The following PDC variants were observed in gnomAD, a reference collection of about 807,000 sequenced individuals.
The protein encoded by PDC is 33 kDa phototransducing protein.
Under a neutral mutation model 22.2 loss-of-function variants are expected in PDC, and 19 were observed. The ratio of observed to expected loss-of-function variants is 0.86; its 90% CI spans 0.60 to 1.26. The LOEUF is 1.26. Ranked by LOEUF, PDC falls within the 50% of genes most tolerant of loss-of-function variation. The pLI is 0.00. For missense variants in PDC, 274 were observed against 286.8 expected, an observed-to-expected ratio of 0.96 and a Z score of 0.32; for synonymous variants, 97 against 96.2, an observed-to-expected ratio of 1.01 and a Z score of -0.05.
chr1:186,452,363 A>G (rs1185090683), intron 1 of PDC, among the ~76,000 whole-genome samples: 2 of 152,044 alleles, frequency 1.3e-5, no homozygotes, highest in Non-Finnish European at 2.9e-5. Context: ...TCAGCCTTCC[A>G]ACTAGCTGGG....
intron 2 of PDC, among the ~76,000 whole-genome samples, chr1:186,447,789 G>C (rs1002292672): frequency 6.6e-6 from 1 of 151,918 alleles, no homozygotes; most frequent in Non-Finnish European, 1.5e-5. Flanking sequence ...TTCACATACA[G>C]TGTTCATATC....
At chr1:186,459,700 T>C (rs1662540148) in intron 1 of PDC, among the ~76,000 whole-genome samples, 1 of 148,792 alleles carries the variant, frequency 6.7e-6, no homozygotes, top group Non-Finnish European at 1.5e-5. Context: ...TTTCTAGCTT[T>C]AATATGAGGT....
intron 1 of PDC, among the ~76,000 whole-genome samples, chr1:186,459,750 GTGTATATATATATATA>G (rs1558134677): frequency 1.5e-5 from 1 of 68,558 alleles, no homozygotes; most frequent in Non-Finnish European, 3.1e-5. Flanking sequence ...ATGTGTGTGT[GTGTATATATATATATA>G]TATATATATA....
rs916618288 is a variant in PDC, at chr1:186,458,185, C to T, written c.-25+2874G>A. On this transcript the variant is annotated intron_variant, in intron 1 of 3. Coordinates refer to ENST00000391997, the MANE Select transcript of PDC (RefSeq NM_002597.5). ...TGAATTCTTGTTCCTAGTGAAAAGA[C>T]ATCCACCTATCCAAGTTTGCTATTA... Among the ~76,000 whole-genome samples, 106 of 145,484 alleles carry T rather than the reference C, an allele frequency of 7.3e-4. 2 individuals are homozygous for T. Among genetic ancestry groups the T allele is most frequent in the African/African-American group, 2.6e-3 (102 of 39,224 alleles).
At position 186,449,389 on chromosome 1, in the gene PDC, C is replaced by T; in HGVS notation, c.61+10G>A. On this transcript the variant is annotated intron_variant, in intron 2 of 3. Coordinates refer to ENST00000391997, the MANE Select transcript of PDC (RefSeq NM_002597.5). ...ATTTAATAATTATTTTTTCTTCTAGCTTTGCTTGCCTGTATGTGTGGCCTG... is the reference window on the plus strand; with the variant it reads ...ATTTAATAATTATTTTTTCTTCTAGTTTTGCTTGCCTGTATGTGTGGCCTG... 6.4e-7 allele frequency: 1 copy of T among 1,572,362 alleles called. No individual in the cohort carries two copies. Among genetic ancestry groups the T allele is most frequent in the Non-Finnish European group, 8.7e-7 (1 of 1,149,834 alleles).
intron 2 of PDC, among the ~76,000 whole-genome samples, chr1:186,447,406 C>T (rs1057487906): frequency 1.3e-5 from 2 of 152,144 alleles, no homozygotes; most frequent in African/African-American, 4.8e-5. Flanking sequence ...ACCTCAGCCT[C>T]CCAGAGTGCT....
At position 186,444,258 on chromosome 1, in the gene PDC, A is replaced by C; in HGVS notation, c.462T>G (p.Ser154Arg). 6.2e-7 allele frequency: 1 copy of C among 1,614,080 alleles called. No individual in the cohort carries two copies. The highest frequency in any genetic ancestry group is 1.7e-5 in the Admixed American group (1 of 60,022). Residue 154 changes from serine to arginine, a missense_variant, in exon 4 of 4, where the codon AGT becomes AGG. Physicochemically the swap from Ser to Arg is moderately radical, Grantham distance 110 (BLOSUM62 -1). Transcript: ENST00000391997. ...GGTATTCTGCTGCAAGGCATGTTAAACTACTGTTTAGAGCATCACAACCCT... is the reference window on the plus strand; with the variant it reads ...GGTATTCTGCTGCAAGGCATGTTAACCTACTGTTTAGAGCATCACAACCCT... Reference protein sequence around the residue: ...GIKGCDALNSSLTCLAAEYPI... With the variant: ...GIKGCDALNSRLTCLAAEYPI...
chr1:186,447,229 A>G (rs1489620473), intron 2 of PDC, among the ~76,000 whole-genome samples: 2 of 151,928 alleles, frequency 1.3e-5, no homozygotes, highest in African/African-American at 4.8e-5. Flanking sequence ...GCTCACCGCA[A>G]CCTCCACTTC....
intron 1 of PDC, among the ~76,000 whole-genome samples, chr1:186,459,977 A>G (rs1346098819): frequency 6.6e-6 from 1 of 151,000 alleles, no homozygotes; most frequent in East Asian, 1.9e-4. Context: ...ATATCAACAA[A>G]CTCTGTGTTC....
chr1:186,458,074 T>C (rs1031061416), intron 1 of PDC, among the ~76,000 whole-genome samples: 4 of 151,966 alleles, frequency 2.6e-5, no homozygotes, highest in African/African-American at 4.8e-5. Flanking sequence ...CAGGAATGCA[T>C]AGCAAATATC....
intron 1 of PDC, among the ~76,000 whole-genome samples, chr1:186,460,011 T>C (rs1662550495): frequency 6.6e-6 from 1 of 151,912 alleles, no homozygotes; most frequent in Non-Finnish European, 1.5e-5. Context: ...ACATTATTTC[T>C]GTTTCATTAA....
rs1198905045 is a variant in PDC, at chr1:186,443,812, A to C, written c.*167T>G. On this transcript the variant is annotated 3_prime_UTR_variant, in exon 4 of 4. Coordinates refer to ENST00000391997, the MANE Select transcript of PDC (RefSeq NM_002597.5). ...TGTAGTCAAGCATTGTATCAATTTG[A>C]GTAACTAATACTAAGAAATGCTAAT... is the stretch of plus-strand genomic sequence containing the variant. 1.7e-6 allele frequency: 1 copy of C among 588,652 alleles called. No homozygotes were observed. The highest frequency in any genetic ancestry group is 2.2e-5 in the South Asian group (1 of 44,598). 36.5% of individuals were successfully genotyped at this position (588,652 alleles called of 1,614,324 possible).
chr1:186,458,226 CTTTTTTTTTTTTT>C (rs1157926478), intron 1 of PDC, among the ~76,000 whole-genome samples: 1 of 88,416 alleles, frequency 1.1e-5, no homozygotes, highest in African/African-American at 4.6e-5. Context: ...TACAGATATT[CTTTTTTTTTTTTT>C]TTTTTTTTTT....
intron 1 of PDC, among the ~76,000 whole-genome samples, chr1:186,458,914 C>T (rs989872915): frequency 6.6e-6 from 1 of 152,172 alleles, no homozygotes; most frequent in Admixed American, 6.5e-5. Flanking sequence ...GTAATCCCAA[C>T]GCTTTGAGAG....
chr1:186,444,436 C>G lies in PDC; in HGVS notation c.284G>C (p.Arg95Thr), dbSNP rs1662177592. Residue 95 changes from arginine to threonine, a missense_variant, in exon 4 of 4, where the codon AGA becomes ACA. Physicochemically the swap from Arg to Thr is moderately conservative, Grantham distance 71 (BLOSUM62 -1). Transcript: ENST00000391997. ...EDENCLRKYR[R>T]QCMQDMHQKL... Reference sequence around the variant, plus strand: ...CTGGTGCATATCCTGCATACACTGTCTACGGTATTTACGAAGGCAGTTTTC... The same window carrying G: ...CTGGTGCATATCCTGCATACACTGTGTACGGTATTTACGAAGGCAGTTTTC... 2.5e-6 allele frequency: 4 copies of G among 1,613,090 alleles called. No homozygotes were observed. In the South Asian group the frequency reaches 4.4e-5, roughly 18 times the overall value.
chr1:186,454,287 T>C (rs993309308), intron 1 of PDC, among the ~76,000 whole-genome samples: 1 of 148,712 alleles, frequency 6.7e-6, no homozygotes, highest in African/African-American at 2.5e-5. Flanking sequence ...CAAGCAATTC[T>C]CCTGCCTCAG....
intron 1 of PDC, among the ~76,000 whole-genome samples, chr1:186,460,270 T>G (rs1662556502): frequency 6.6e-6 from 1 of 152,222 alleles, no homozygotes; most frequent in Admixed American, 6.5e-5. Context: ...GTTTTAGATT[T>G]GCAGTGTACT....
chr1:186,452,429 G>T (rs1308328070), intron 1 of PDC, among the ~76,000 whole-genome samples: 1 of 151,980 alleles, frequency 6.6e-6, no homozygotes, highest in Non-Finnish European at 1.5e-5. Context: ...GTAGAGATGG[G>T]GTTTCACCAT....
chr1:186,449,513 C>T lies in PDC; in HGVS notation c.-24-30G>A, dbSNP rs1350421550. On this transcript the variant is annotated intron_variant, in intron 1 of 3. Coordinates refer to ENST00000391997, the MANE Select transcript of PDC (RefSeq NM_002597.5). Reference sequence around the variant, plus strand: ...AGGAGGAACAAAGAAATAATAATGACACAAGAATTCCAGGATGTACATACA... The same window carrying T: ...AGGAGGAACAAAGAAATAATAATGATACAAGAATTCCAGGATGTACATACA... The T allele has an allele frequency of 1.0e-5, 11 of 1,103,472 alleles. No individual in the cohort carries two copies. In the East Asian group the frequency reaches 2.6e-4, roughly 26 times the overall value. 68.4% of individuals were successfully genotyped at this position (1,103,472 alleles called of 1,614,324 possible).
Sources: gnomAD v4.1 joint callset for allele counts (sites outside exome capture counted in the v4.1 genomes callset) on GRCh38, gnomAD v4.1.1 for gene constraint, MANE v1.5 for transcripts, NCBI Gene and HGNC (gene_info 2026-07-23, HGNC 2026-07-21) for gene names.